CLDND2: variants seen among roughly 807,000 people sequenced by gnomAD.
CLDND2 encodes the protein claudin domain containing 2.
CLDND2 carries 18 observed loss-of-function variants against 17.7 expected under a neutral mutation model. The ratio of observed to expected loss-of-function variants is 1.02; its 90% confidence interval spans 0.70 to 1.51. The LOEUF is 1.51. Ranked by LOEUF, CLDND2 falls within the 40% of genes most tolerant of loss-of-function variation. CLDND2 has a pLI of 0.00. For synonymous variants in CLDND2, 113 were observed against 93.0 expected, an observed-to-expected ratio of 1.22 and a Z score of -1.24; for missense variants, 233 against 219.6, an observed-to-expected ratio of 1.06 and a Z score of -0.39.
downstream of CLDND2, chr19:51,367,007 A>G (rs998197530): frequency 1.3e-6 from 1 of 762,954 alleles, no homozygotes; most frequent in Non-Finnish European, 2.3e-6. This position sits in a 1 kb window ranked among gnomAD's most constrained non-coding sequence, Gnocchi z 7.4. Context: ...CACGTTCCCT[A>G]TGAGTTCATG....
At chr19:51,366,990 C>T (rs1173823562), downstream of CLDND2, 5 of 697,956 alleles carry the variant, frequency 7.2e-6, 1 homozygote, top group Middle Eastern at 2.4e-4. Flanking sequence ...CTGTGTCTCC[C>T]TGTCTCCACG....
At chr19:51,367,048 C>T, downstream of CLDND2, 1 of 1,190,338 alleles carries the variant, frequency 8.4e-7, no homozygotes, top group Non-Finnish European at 1.3e-6. The surrounding 1 kb of genome is among the most constrained non-coding windows in gnomAD (Gnocchi z 7.4). Flanking sequence ...CTCTATGCAA[C>T]CCCGTGCCTG....
rs1986475640 is a variant in CLDND2, at chr19:51,367,788, C to G, written c.310+98G>C. On this transcript the variant is annotated intron_variant, in intron 2 of 3. Transcript: ENST00000291715. The surrounding 1 kb of genome is among the most constrained non-coding windows in gnomAD (Gnocchi z 7.4). ...CTTCTTCCAGCCCTGCCCCTCGGAT[C>G]CTGGCCGAGTACCTCAAGCCCCTCC... The G allele has an allele frequency of 9.9e-6, 15 of 1,508,884 alleles. No homozygotes were observed. Among genetic ancestry groups the G allele is most frequent in the Non-Finnish European group, 1.3e-5 (15 of 1,132,892 alleles). 93.5% of individuals were successfully genotyped at this position (1,508,884 alleles called of 1,614,324 possible).
chr19:51,367,211 G>A lies in CLDND2; in HGVS notation c.435C>T (p.Phe145=), dbSNP rs752559823. ...TGATCATGTCTGCCAGCAGAAAGCA[G>A]AAGCCTGGGGGGACGGGGGTGCGGA... ...LALPFSILAG[F]CFLLADMIMQ... is the part of the protein sequence containing the mutation. Residue 145 remains phenylalanine (F), a synonymous_variant, in exon 4 of 4, where the codon TTC becomes TTT. Transcript: ENST00000291715. The surrounding 1 kb of genome is among the most constrained non-coding windows in gnomAD (Gnocchi z 7.4). 5 of 1,614,096 alleles carry A rather than the reference G, an allele frequency of 3.1e-6. No individual in the cohort carries two copies. Among genetic ancestry groups the A allele is most frequent in the Non-Finnish European group, 4.2e-6 (5 of 1,180,034 alleles).
chr19:51,368,394 C>T lies in CLDND2; in HGVS notation c.169+15G>A, dbSNP rs376086018. 7 of 1,603,094 alleles carry T rather than the reference C, an allele frequency of 4.4e-6. No individual in the cohort carries two copies. Among genetic ancestry groups the T allele is most frequent in the Non-Finnish European group, 5.1e-6 (6 of 1,175,982 alleles). ...TCTGAAATGCCCTCTGACATCTGGG[C>T]GGGCGGAGCCTCACTCTGGCAGGGG... is the stretch of plus-strand genomic sequence containing the variant. On this transcript the variant is annotated intron_variant, in intron 1 of 3. Coordinates refer to ENST00000291715, the MANE Select transcript of CLDND2 (RefSeq NM_152353.3).
In CLDND2 at chr19:51,368,113, C is replaced by A. The variant is rs1010332986; in HGVS notation, c.170-87G>T. Reference sequence around the variant, plus strand: ...CAACCGGAAGCTCTCCCGTCTCCTGCCCCCAACCCGGTGTGTGGCCAGGAG... The same window carrying A: ...CAACCGGAAGCTCTCCCGTCTCCTGACCCCAACCCGGTGTGTGGCCAGGAG... On this transcript the variant is annotated intron_variant, in intron 1 of 3. Coordinates refer to ENST00000291715, the MANE Select transcript of CLDND2 (RefSeq NM_152353.3). 2.8e-5 allele frequency: 39 copies of A among 1,394,856 alleles called. No homozygotes were observed. In the South Asian group the frequency reaches 4.8e-4, roughly 17 times the overall value. 86.4% of individuals were successfully genotyped at this position (1,394,856 alleles called of 1,614,324 possible).
Position 51,367,270 on chromosome 19 carries a change from G to A in CLDND2, c.431-55C>T. On this transcript the variant is annotated intron_variant, in intron 3 of 3. Transcript: ENST00000291715. The surrounding 1 kb of genome is among the most constrained non-coding windows in gnomAD (Gnocchi z 7.4). ...AGGAAGGTGGGCCCTGGGGCGGATGGCCGGGAGGGCCCCGGGGACTGGGGT... is the reference window on the plus strand; with the variant it reads ...AGGAAGGTGGGCCCTGGGGCGGATGACCGGGAGGGCCCCGGGGACTGGGGT... The A allele has an allele frequency of 6.4e-7, 1 of 1,574,084 alleles. No homozygotes were observed. Among genetic ancestry groups the A allele is most frequent in the Non-Finnish European group, 8.7e-7 (1 of 1,144,848 alleles).
chr19:51,366,977 T>G (rs1986410249), downstream of CLDND2: 14 of 645,242 alleles, frequency 2.2e-5, no homozygotes, highest in Admixed American at 1.2e-4. Context: ...TGTGTCTCCA[T>G]GTCTGTGTCT....
rs541513716 is a variant in CLDND2, at chr19:51,367,763, C to T, written c.310+123G>A. 8 of 1,481,138 alleles carry T rather than the reference C, an allele frequency of 5.4e-6. No individual in the cohort carries two copies. Among genetic ancestry groups the T allele is most frequent in the Admixed American group, 2.3e-5 (1 of 42,554 alleles). The allele number at this position is 1,481,138 out of a possible 1,614,324, so 91.7% of individuals were successfully genotyped here. Reference sequence around the variant, plus strand: ...CTCGAGCCCCGCCCACCTCTCTCGGCTTCTTCCAGCCCTGCCCCTCGGATC... The same window carrying T: ...CTCGAGCCCCGCCCACCTCTCTCGGTTTCTTCCAGCCCTGCCCCTCGGATC... On this transcript the variant is annotated intron_variant, in intron 2 of 3. Coordinates refer to ENST00000291715, the MANE Select transcript of CLDND2 (RefSeq NM_152353.3). The surrounding 1 kb of genome is among the most constrained non-coding windows in gnomAD (Gnocchi z 7.4).
At chr19:51,367,053 T>A, downstream of CLDND2, 2 of 1,243,330 alleles carry the variant, frequency 1.6e-6, no homozygotes, top group Non-Finnish European at 2.4e-6. This position sits in a 1 kb window ranked among gnomAD's most constrained non-coding sequence, Gnocchi z 7.4. Flanking sequence ...TGCAACCCCG[T>A]GCCTGCGTCC....
Position 51,367,408 on chromosome 19 carries a change from A to G in CLDND2, c.430+49T>C, listed in dbSNP as rs959019966. On this transcript the variant is annotated intron_variant, in intron 3 of 3. Coordinates refer to ENST00000291715, the MANE Select transcript of CLDND2 (RefSeq NM_152353.3). The surrounding 1 kb of genome is among the most constrained non-coding windows in gnomAD (Gnocchi z 7.4). ...GGGCAGCTGGGGAGCCTCTGGGGTG[A>G]GGGTCTTCTGGGCAGTCTCCTCCAC... 2.6e-6 allele frequency: 4 copies of G among 1,547,698 alleles called. No homozygotes were observed. The Admixed American group carries it at 5.6e-5, about 22-fold the overall frequency.
downstream of CLDND2, chr19:51,367,097 C>G: frequency 6.3e-7 from 1 of 1,590,382 alleles, no homozygotes; most frequent in South Asian, 1.1e-5. This position sits in a 1 kb window ranked among gnomAD's most constrained non-coding sequence, Gnocchi z 7.4. Flanking sequence ...GGAGCCGCAG[C>G]GCTAAAAAAA....
downstream of CLDND2, among the ~76,000 whole-genome samples, chr19:51,366,909 C>G (rs76452963): frequency 5.2e-4 from 79 of 152,198 alleles, no homozygotes; most frequent in African/African-American, 1.9e-3. Context: ...AGGCCCACGT[C>G]CCCTCCTGGC....
chr19:51,368,131 G>T, intron 1 of CLDND2, 105 bp from the exon 2 acceptor site: 9 of 1,284,928 alleles, frequency 7.0e-6, no homozygotes, highest in Non-Finnish European at 9.6e-6. Context: ...CCGGTGTGTG[G>T]CCAGGAGCCG....
chr19:51,367,572 C>T lies in CLDND2; in HGVS notation c.315G>A (p.Leu105=), dbSNP rs1357375096. The change falls in exon 3 of 4, where the codon CTG becomes CTA. Residue 105 remains leucine (L), a synonymous_variant. Coordinates refer to ENST00000291715, the MANE Select transcript of CLDND2 (RefSeq NM_152353.3). The surrounding 1 kb of genome is among the most constrained non-coding windows in gnomAD (Gnocchi z 7.4). Reference sequence around the variant, plus strand: ...AGCCTATCAAGGCGGTCAGCAGCAGCAGTCCTGGGCCCCGCCCAGCCGCAA... The same window carrying T: ...AGCCTATCAAGGCGGTCAGCAGCAGTAGTCCTGGGCCCCGCCCAGCCGCAA... The part of the protein sequence containing the change: ...TTSAFLFLGG[L]LLLTALIGYT... 6.2e-6 allele frequency: 10 copies of T among 1,611,132 alleles called. No individual in the cohort carries two copies. The highest frequency in any genetic ancestry group is 8.5e-6 in the Non-Finnish European group (10 of 1,178,834).
rs886252090 is a variant in CLDND2 at position 51,367,575 on chromosome 19, T to C, written c.312A>G (p.Gly104=). The C allele has an allele frequency of 6.2e-7, 1 of 1,610,774 alleles. No homozygotes were observed. Among genetic ancestry groups the C allele is most frequent in the African/African-American group, 1.3e-5 (1 of 74,788 alleles). Residue 104 remains glycine (G), a splice_region_variant and synonymous_variant, in exon 3 of 4, where the codon GGA becomes GGG. Coordinates refer to ENST00000291715, the MANE Select transcript of CLDND2 (RefSeq NM_152353.3). This position sits in a 1 kb window ranked among gnomAD's most constrained non-coding sequence, Gnocchi z 7.4. ...QTTSAFLFLG[G]LLLLTALIGY... ...CTATCAAGGCGGTCAGCAGCAGCAG[T>C]CCTGGGCCCCGCCCAGCCGCAAGAT...
rs890777176 is a variant in CLDND2, at chr19:51,368,644, C to A, written c.-67G>T. 2 of 1,439,014 alleles carry A rather than the reference C, an allele frequency of 1.4e-6. No homozygotes were observed. The highest frequency in any genetic ancestry group is 1.9e-6 in the Non-Finnish European group (2 of 1,061,502). 89.1% of individuals were successfully genotyped at this position (1,439,014 alleles called of 1,614,324 possible). A position where few individuals can be genotyped will look rare whatever the true frequency, so the allele number is the denominator to read the frequency against. On this transcript the variant is annotated 5_prime_UTR_variant, in exon 1 of 4. Coordinates refer to ENST00000291715, the MANE Select transcript of CLDND2 (RefSeq NM_152353.3). Reference sequence around the variant, plus strand: ...CCCAGGCCTTTCCTACCCCGAGGCCCCCAGCTGAGGAGCCCGCTTCCTCCA... The same window carrying A: ...CCCAGGCCTTTCCTACCCCGAGGCCACCAGCTGAGGAGCCCGCTTCCTCCA...
chr19:51,367,932 G>T lies in CLDND2; in HGVS notation c.264C>A (p.Gly88=). 6.2e-7 allele frequency: 1 copy of T among 1,612,836 alleles called. No individual in the cohort carries two copies. The highest frequency in any genetic ancestry group is 8.5e-7 in the Non-Finnish European group (1 of 1,179,696). The change falls in exon 2 of 4, where the codon GGC becomes GGA. Residue 88 remains glycine, a synonymous_variant. Transcript: ENST00000291715. The surrounding 1 kb of genome is among the most constrained non-coding windows in gnomAD (Gnocchi z 7.4). Reference sequence around the variant, plus strand: ...TCGTGGTCTGGCCCCGCAGCGACTCGCCCTCGTCGCACCGAATCCGCAGTC... The same window carrying T: ...TCGTGGTCTGGCCCCGCAGCGACTCTCCCTCGTCGCACCGAATCCGCAGTC... ...VMGLRIRCDE[G]ESLRGQTTSA...
rs780099653 is a variant in CLDND2 at position 51,367,593 on chromosome 19, C to T, written c.311-17G>A. 6.8e-6 allele frequency: 11 copies of T among 1,608,208 alleles called. No homozygotes were observed. Among genetic ancestry groups the T allele is most frequent in the Admixed American group, 1.7e-5 (1 of 59,136 alleles). Reference sequence around the variant, plus strand: ...GCAGCAGTCCTGGGCCCCGCCCAGCCGCAAGATGAGCTAGCTGGGCCTGGT... The same window carrying T: ...GCAGCAGTCCTGGGCCCCGCCCAGCTGCAAGATGAGCTAGCTGGGCCTGGT... On this transcript the variant is annotated splice_polypyrimidine_tract_variant and intron_variant, in intron 2 of 3. Transcript: ENST00000291715. This position sits in a 1 kb window ranked among gnomAD's most constrained non-coding sequence, Gnocchi z 7.4.
Sources: allele counts gnomAD v4.1 joint callset (sites outside exome capture counted in the v4.1 genomes callset), GRCh38; gene constraint gnomAD v4.1.1; non-coding constraint Gnocchi (gnomAD v3.1); transcripts MANE v1.5; gene names NCBI Gene and HGNC (gene_info 2026-07-23, HGNC 2026-07-21).